PRKN: variants seen among roughly 807,000 people sequenced by gnomAD.
The protein encoded by PRKN is E3 ubiquitin-protein ligase parkin.
A neutral mutation model predicts 59.5 loss-of-function variants in PRKN; 56 were observed. The observed-to-expected ratio is 0.94, with a 90% CI of 0.76 to 1.18. The LOEUF is 1.18. Ranked by LOEUF, PRKN falls within the 50% of genes most tolerant of loss-of-function variation. The pLI is 0.00. For synonymous variants in PRKN, 250 were observed against 222.1 expected, an observed-to-expected ratio of 1.13 and a Z score of -1.12; for missense variants, 657 against 596.4, an observed-to-expected ratio of 1.10 and a Z score of -1.06.
rs1790999126 is a variant in PRKN at position 161,475,055 on chromosome 6, C to A, written c.1083+73799G>T. Among the ~76,000 whole-genome samples, 1 of 151,766 alleles carries A rather than the reference C, an allele frequency of 6.6e-6. No individual in the cohort carries two copies. Among genetic ancestry groups the A allele is most frequent in the East Asian group, 1.9e-4 (1 of 5,184 alleles). ...AAGTAGCTGGGACTACAGGCATGCA[C>A]CACCATGCCCAGCTAATTTTTAGTA... On this transcript the variant is annotated intron_variant, in intron 9 of 11. Transcript: ENST00000366898. This position sits in a 1 kb window ranked among gnomAD's most constrained non-coding sequence, Gnocchi z 5.3.
intron 1 of PRKN, among the ~76,000 whole-genome samples, chr6:162,616,847 T>C (rs1782442498): frequency 6.6e-6 from 1 of 152,164 alleles, no homozygotes; most frequent in South Asian, 2.1e-4. Context: ...TCAGCAGGAA[T>C]AAGACTTTTA....
intron 7 of PRKN, among the ~76,000 whole-genome samples, chr6:161,595,252 G>T (rs1407553117): frequency 6.6e-6 from 1 of 152,210 alleles, no homozygotes; most frequent in East Asian, 1.9e-4. Context: ...AAGTTGAGAG[G>T]GAAGTTTTTC....
At chr6:161,655,803 G>C (rs1481284063) in intron 7 of PRKN, among the ~76,000 whole-genome samples, 1 of 150,976 alleles carries the variant, frequency 6.6e-6, no homozygotes, top group Non-Finnish European at 1.5e-5. Flanking sequence ...AATAAAATGA[G>C]TTGACACATG....
At chr6:161,762,183 C>T (rs935919661) in intron 7 of PRKN, among the ~76,000 whole-genome samples, 8 of 152,102 alleles carry the variant, frequency 5.3e-5, no homozygotes, top group African/African-American at 1.9e-4. Context: ...AGAAAAAATA[C>T]GAAGCCACAG....
chr6:162,537,039 C>T (rs898135642), intron 1 of PRKN, among the ~76,000 whole-genome samples: 1 of 152,026 alleles, frequency 6.6e-6, no homozygotes, highest in African/African-American at 2.4e-5. Flanking sequence ...AAATTTACTT[C>T]GAAAAGATTC....
intron 6 of PRKN, among the ~76,000 whole-genome samples, chr6:161,958,090 G>A (rs905670965): frequency 5.3e-5 from 8 of 152,312 alleles, no homozygotes; most frequent in South Asian, 2.1e-4. Context: ...CCACATCCCA[G>A]AAGCTTACTG....
intron 2 of PRKN, among the ~76,000 whole-genome samples, chr6:162,313,015 A>G (rs1239543043): frequency 6.6e-6 from 1 of 152,172 alleles, no homozygotes; most frequent in African/African-American, 2.4e-5. Context: ...ATCTTGATTG[A>G]CCTATGCTCT....
intron 2 of PRKN, among the ~76,000 whole-genome samples, chr6:162,316,207 G>C (rs957090126): frequency 1.3e-5 from 2 of 151,734 alleles, no homozygotes; most frequent in African/African-American, 4.8e-5. Flanking sequence ...CATGAAAAAT[G>C]GGAAAGCAAA....
chr6:161,568,973 A>T (rs1048229844), intron 8 of PRKN, among the ~76,000 whole-genome samples: 12 of 65,156 alleles, frequency 1.8e-4, no homozygotes, highest in Admixed American at 9.7e-4. Flanking sequence ...AAAACCTGGT[A>T]AAAAAAAAAA....
At chr6:162,428,777 C>G (rs1219343494) in intron 2 of PRKN, among the ~76,000 whole-genome samples, 1 of 152,186 alleles carries the variant, frequency 6.6e-6, no homozygotes, top group East Asian at 1.9e-4. Context: ...AACACCTAGA[C>G]TAGCCTCCCA....
chr6:162,674,182 G>T (rs189671712), intron 1 of PRKN, among the ~76,000 whole-genome samples: 1 of 152,306 alleles, frequency 6.6e-6, no homozygotes, highest in East Asian at 1.9e-4. Context: ...TTATTTCATA[G>T]ATTCAATATT....
Position 161,442,892 on chromosome 6 carries a change from A to G in PRKN, c.1084-56015T>C. 6.6e-6 allele frequency among the ~76,000 whole-genome samples: 1 copy of G among 152,160 alleles called. No homozygotes were observed. Among genetic ancestry groups the G allele is most frequent in the East Asian group, 1.9e-4 (1 of 5,182 alleles). On this transcript the variant is annotated intron_variant, in intron 9 of 11. Coordinates refer to ENST00000366898, the MANE Select transcript of PRKN (RefSeq NM_004562.3). The surrounding 1 kb of genome is among the most constrained non-coding windows in gnomAD (Gnocchi z 4.6). ...CAGTTTAACATAAACCCTCTCACTT[A>G]CTGCCAATGTGTCCACGCTGCTCCT...
At chr6:162,152,930 G>A (rs1782334818) in intron 4 of PRKN, among the ~76,000 whole-genome samples, 1 of 152,170 alleles carries the variant, frequency 6.6e-6, no homozygotes. Flanking sequence ...GTCTCAAAAT[G>A]TGTTCCACAA....
At chr6:162,339,392 G>A (rs1196607958) in intron 2 of PRKN, among the ~76,000 whole-genome samples, 9 of 147,128 alleles carry the variant, frequency 6.1e-5, no homozygotes, top group African/African-American at 2.2e-4. Flanking sequence ...GGAGGTGGGG[G>A]GGTCAGCCCC....
chr6:161,888,921 A>G (rs577914119), intron 6 of PRKN, among the ~76,000 whole-genome samples: 1 of 152,258 alleles, frequency 6.6e-6, no homozygotes, highest in East Asian at 1.9e-4. Flanking sequence ...TCTCCCAAAC[A>G]TGGGAAAATA....
intron 4 of PRKN, among the ~76,000 whole-genome samples, chr6:162,170,789 A>G (rs914167889): frequency 1.3e-5 from 2 of 152,220 alleles, no homozygotes; most frequent in African/African-American, 4.8e-5. Flanking sequence ...AGGAAGGACC[A>G]CAAATGGTAC....
intron 1 of PRKN, among the ~76,000 whole-genome samples, chr6:162,459,612 T>C (rs1258978694): frequency 9.9e-5 from 15 of 152,194 alleles, no homozygotes; most frequent in Admixed American, 9.8e-4. Flanking sequence ...TGTCTGCTTC[T>C]CAACTTTCTT....
At chr6:161,842,642 G>A (rs1159503017) in intron 6 of PRKN, among the ~76,000 whole-genome samples, 3 of 151,538 alleles carry the variant, frequency 2.0e-5, no homozygotes, top group South Asian at 2.1e-4. Flanking sequence ...TCAGCTCACT[G>A]CAACCACCAC....
intron 2 of PRKN, among the ~76,000 whole-genome samples, chr6:162,410,234 G>C (rs886677489): frequency 1.3e-5 from 2 of 151,708 alleles, no homozygotes. Context: ...AGATCAATTG[G>C]TTTGAGGACT....
Sources: allele counts gnomAD v4.1 joint callset (sites outside exome capture counted in the v4.1 genomes callset), GRCh38; gene constraint gnomAD v4.1.1; non-coding constraint Gnocchi (gnomAD v3.1); transcripts MANE v1.5; gene names NCBI Gene and HGNC (gene_info 2026-07-23, HGNC 2026-07-21).